Variants in NAALADL2 observed in about 807,000 individuals in gnomAD.
The protein encoded by NAALADL2 is N-acetylated alpha-linked acidic dipeptidase like 2.
A neutral mutation model predicts 87.2 loss-of-function variants in NAALADL2; 76 were observed. That is an observed-to-expected ratio of 0.87 (90% confidence interval 0.72 to 1.05). NAALADL2 has a LOEUF of 1.05. Among genes scored for constraint, NAALADL2 ranks in the 50% least tolerant of loss-of-function variants. The pLI is 0.00. For missense variants in NAALADL2, 1,089 were observed against 945.8 expected (o/e 1.15, Z -1.99); for synonymous variants, 354 against 331.0 (o/e 1.07, Z -0.75).
intron 1 of NAALADL2, among the ~76,000 whole-genome samples, chr3:174,881,463 TG>T (rs1174522083): frequency 6.6e-6 from 1 of 152,164 alleles, no homozygotes; most frequent in Non-Finnish European, 1.5e-5. Context: ...TGGTGAAACA[TG>T]GCTATTTGCA....
chr3:175,252,869 G>C (rs1476494306), intron 3 of NAALADL2, among the ~76,000 whole-genome samples: 5 of 152,178 alleles, frequency 3.3e-5, no homozygotes, highest in Non-Finnish European at 7.3e-5. Flanking sequence ...GCCTAATCCA[G>C]AGCAAGCCCC....
chr3:174,446,747 A>G (rs1464572007), intron 1 of NAALADL2, among the ~76,000 whole-genome samples: 1 of 152,188 alleles, frequency 6.6e-6, no homozygotes, highest in African/African-American at 2.4e-5. Context: ...CTGCATGGTT[A>G]TAGAACTCTC....
At chr3:175,016,983 A>G (rs1483699201) in intron 1 of NAALADL2, among the ~76,000 whole-genome samples, 1 of 152,014 alleles carries the variant, frequency 6.6e-6, no homozygotes, top group Non-Finnish European at 1.5e-5. Flanking sequence ...CTATAGTCAC[A>G]CTAATGCTTT....
At chr3:174,738,927 A>C (rs1023838400) in intron 3 of NAALADL2, among the ~76,000 whole-genome samples, 1 of 152,168 alleles carries the variant, frequency 6.6e-6, no homozygotes, top group Non-Finnish European at 1.5e-5. Context: ...AGGCTTAAAA[A>C]ATTATTTATC....
intron 11 of NAALADL2, among the ~76,000 whole-genome samples, chr3:175,705,556 A>AG (rs954897476): frequency 9.0e-5 from 8 of 88,904 alleles, no homozygotes; most frequent in East Asian, 2.3e-4. Context: ...AAGAAGAAGA[A>AG]AAAAAAAAAA....
chr3:175,661,148 C>T (rs1732192056), intron 11 of NAALADL2, among the ~76,000 whole-genome samples: 1 of 152,022 alleles, frequency 6.6e-6, no homozygotes, highest in Non-Finnish European at 1.5e-5. Context: ...CACATCCTCA[C>T]CAACACTCGT....
At position 174,902,355 on chromosome 3, in the gene NAALADL2, TACCTATTATAGA is replaced by T. The variant is rs1732419243; in HGVS notation, c.43+42908_43+42919del. Among the ~76,000 whole-genome samples, 3 of 152,256 alleles carry T rather than the reference TACCTATTATAGA, an allele frequency of 2.0e-5. No homozygotes were observed. The South Asian group carries it at 6.2e-4, about 32-fold the overall frequency. On this transcript the variant is annotated intron_variant, in intron 1 of 13. Coordinates refer to ENST00000454872, the MANE Select transcript of NAALADL2 (RefSeq NM_207015.3). ...CAGGTTAGAAATAATGTATGTAAAGTACCTATTATAGAACAGATTCTGGCTCATTGTAAATCT... is the reference window on the plus strand; with the variant it reads ...CAGGTTAGAAATAATGTATGTAAAGTACAGATTCTGGCTCATTGTAAATCT...
intron 3 of NAALADL2, among the ~76,000 whole-genome samples, chr3:174,795,656 C>T (rs554575805): frequency 6.6e-6 from 1 of 152,212 alleles, no homozygotes; most frequent in African/African-American, 2.4e-5. Flanking sequence ...TCTTTGCTAA[C>T]AGTGTATGAA....
chr3:175,743,841 T>C (rs1745576618), intron 12 of NAALADL2, among the ~76,000 whole-genome samples: 1 of 152,198 alleles, frequency 6.6e-6, no homozygotes, highest in South Asian at 2.1e-4. Flanking sequence ...CATGAGAGTG[T>C]GGCACATGGT....
chr3:174,713,200 T>A (rs62287769), intron 2 of NAALADL2, among the ~76,000 whole-genome samples: 43,452 of 152,066 alleles, frequency 0.29, 6,508 homozygotes, highest in East Asian at 0.41. Flanking sequence ...ATCCAGTCTA[T>A]CATTGACGGA....
intron 2 of NAALADL2, among the ~76,000 whole-genome samples, chr3:175,103,487 A>G (rs1399278835): frequency 6.6e-6 from 1 of 152,190 alleles, no homozygotes; most frequent in African/African-American, 2.4e-5. Context: ...TGACAAATTT[A>G]CTGCATATAT....
At chr3:175,205,991 G>A (rs777434520) in intron 2 of NAALADL2, among the ~76,000 whole-genome samples, 7 of 151,868 alleles carry the variant, frequency 4.6e-5, no homozygotes, top group Non-Finnish European at 7.4e-5. Flanking sequence ...CTTCCAGACT[G>A]CTGGTAGGAA....
intron 4 of NAALADL2, among the ~76,000 whole-genome samples, chr3:175,267,847 G>A (rs191005962): frequency 7.1e-4 from 108 of 152,226 alleles, no homozygotes; most frequent in Non-Finnish European, 2.5e-4. Flanking sequence ...CTATTTAATT[G>A]CTGTAAGTCA....
chr3:175,339,907 A>G (rs1762403978), intron 5 of NAALADL2, among the ~76,000 whole-genome samples: 1 of 152,202 alleles, frequency 6.6e-6, no homozygotes, highest in Non-Finnish European at 1.5e-5. Context: ...CACTGAGATG[A>G]TATTTCAGGA....
chr3:175,378,668 T>G (rs1369737226), intron 5 of NAALADL2, among the ~76,000 whole-genome samples: 1 of 152,200 alleles, frequency 6.6e-6, no homozygotes, highest in South Asian at 2.1e-4. Flanking sequence ...CAAACTCTGA[T>G]ATTGTCTTTT....
intron 9 of NAALADL2, among the ~76,000 whole-genome samples, chr3:175,555,864 T>G (rs1257578871): frequency 6.6e-6 from 1 of 152,226 alleles, no homozygotes; most frequent in African/African-American, 2.4e-5. Context: ...GGCACTAGGA[T>G]TCTTAGCGGA....
chr3:174,979,591 C>A (rs1246274064), intron 1 of NAALADL2, among the ~76,000 whole-genome samples: 1 of 152,054 alleles, frequency 6.6e-6, no homozygotes, highest in African/African-American at 2.4e-5. Flanking sequence ...AGGCGTGAAC[C>A]ACCACACCCA....
intron 2 of NAALADL2, among the ~76,000 whole-genome samples, chr3:174,705,731 C>T (rs888407666): frequency 6.9e-5 from 10 of 144,848 alleles, no homozygotes; most frequent in African/African-American, 2.1e-4. Context: ...TGCAGTGAGC[C>T]GAGATCGCGC....
chr3:175,078,862 C>A (rs1030043623), intron 1 of NAALADL2, among the ~76,000 whole-genome samples: 6 of 152,146 alleles, frequency 3.9e-5, no homozygotes, highest in Admixed American at 1.3e-4. Flanking sequence ...GTTGTTTCAA[C>A]TTTTTGGCTA....
Sources: gnomAD v4.1 joint callset for allele counts (sites outside exome capture counted in the v4.1 genomes callset) on GRCh38, gnomAD v4.1.1 for gene constraint, MANE v1.5 for transcripts, NCBI Gene and HGNC (gene_info 2026-07-23, HGNC 2026-07-21) for gene names.